GRM7: variants seen among roughly 807,000 people sequenced by gnomAD.
The protein encoded by GRM7 is glutamate metabotropic receptor 7.
A neutral mutation model predicts 84.5 loss-of-function variants in GRM7; 35 were observed. The ratio of observed to expected loss-of-function variants is 0.41; its 90% CI spans 0.32 to 0.55. The LOEUF (loss-of-function observed/expected upper bound fraction) is 0.55. Among genes scored for constraint, GRM7 ranks in the 20% least tolerant of loss-of-function variants. GRM7 has a pLI of 0.19. For synonymous variants in GRM7, 487 were observed against 455.1 expected (o/e 1.07, Z -0.89); for missense variants, 1,003 against 1,194.6 (o/e 0.84, Z 2.36).
chr3:7,660,893 G>T (rs1699414759), intron 8 of GRM7, among the ~76,000 whole-genome samples: 2 of 152,166 alleles, frequency 1.3e-5, no homozygotes, highest in South Asian at 4.1e-4. Flanking sequence ...TTCAACAAAT[G>T]ATTCTAGAGT....
intron 4 of GRM7, among the ~76,000 whole-genome samples, chr3:7,333,334 C>T (rs533929078): frequency 1.9e-4 from 29 of 152,294 alleles, no homozygotes; most frequent in African/African-American, 6.7e-4. Context: ...TTCGCCAGCA[C>T]CAGCCCAGAG....
intron 7 of GRM7, among the ~76,000 whole-genome samples, chr3:7,476,131 T>C (rs2124930189): frequency 6.6e-6 from 1 of 152,342 alleles, no homozygotes; most frequent in South Asian, 2.1e-4. Context: ...ATCCCATGTT[T>C]CACCACCTAT....
chr3:6,929,947 G>A (rs1672476561), intron 1 of GRM7, among the ~76,000 whole-genome samples: 3 of 152,132 alleles, frequency 2.0e-5, no homozygotes, highest in Admixed American at 2.0e-4. Context: ...ATTTTTACAA[G>A]GCAGACCCCA....
intron 7 of GRM7, among the ~76,000 whole-genome samples, chr3:7,568,391 G>A (rs995798662): frequency 7.9e-5 from 12 of 152,240 alleles, no homozygotes; most frequent in African/African-American, 2.9e-4. Flanking sequence ...AAGGTGAAAG[G>A]CAAGGAAGAG....
At chr3:7,619,110 T>C (rs1697246091) in intron 8 of GRM7, among the ~76,000 whole-genome samples, 1 of 152,126 alleles carries the variant, frequency 6.6e-6, no homozygotes, top group South Asian at 2.1e-4. Flanking sequence ...GGAAATTAGA[T>C]GCACTAGACT....
At chr3:7,632,706 C>T (rs1344574951) in intron 8 of GRM7, among the ~76,000 whole-genome samples, 1 of 152,120 alleles carries the variant, frequency 6.6e-6, no homozygotes, top group East Asian at 1.9e-4. Flanking sequence ...TGTTTTCATC[C>T]ATAACAATAG....
At chr3:7,662,147 C>CA (rs1699487925) in intron 8 of GRM7, among the ~76,000 whole-genome samples, 1 of 151,732 alleles carries the variant, frequency 6.6e-6, no homozygotes, top group South Asian at 2.1e-4. Context: ...AGATGCGAGA[C>CA]AAAAAATAGT....
chr3:7,308,262 C>T (rs77335945), intron 4 of GRM7, among the ~76,000 whole-genome samples: 1 of 151,390 alleles, frequency 6.6e-6, no homozygotes, highest in Admixed American at 6.6e-5. Context: ...TTGGGGGTCT[C>T]AGATGTTAAT....
intron 2 of GRM7, among the ~76,000 whole-genome samples, chr3:7,266,280 G>A (rs1167723872): frequency 6.6e-6 from 1 of 152,186 alleles, no homozygotes; most frequent in Non-Finnish European, 1.5e-5. Context: ...ATTCAGTATA[G>A]TAAAGTGTTA....
At chr3:7,209,599 G>A (rs1696352434) in intron 2 of GRM7, among the ~76,000 whole-genome samples, 1 of 152,202 alleles carries the variant, frequency 6.6e-6, no homozygotes, top group Non-Finnish European at 1.5e-5. Flanking sequence ...ACTATGGCAG[G>A]CATAGAGAAT....
At position 7,349,758 on chromosome 3, in the gene GRM7, T is replaced by C. The variant is rs148954107; in HGVS notation, c.1033+43106T>C. ...AAGTTTATATTTGAGCAATTGCATA[T>C]GTAATTGTCAAGGGTATAGATGAAA... is the stretch of plus-strand genomic sequence containing the variant. On this transcript the variant is annotated intron_variant, in intron 4 of 9. Coordinates refer to ENST00000357716, the MANE Select transcript of GRM7 (RefSeq NM_000844.4). Among the ~76,000 whole-genome samples, 163 of 152,272 alleles carry C rather than the reference T, an allele frequency of 1.1e-3. 1 individual carries two copies. Among genetic ancestry groups the C allele is most frequent in the African/African-American group, 3.8e-3 (157 of 41,568 alleles).
intron 7 of GRM7, 135 bp from the exon 8 acceptor site, chr3:7,578,287 C>A: frequency 1.6e-6 from 1 of 627,332 alleles, no homozygotes; most frequent in Non-Finnish European, 2.8e-6. Context: ...ACTTGTAACT[C>A]TTGCAAGCTG....
At chr3:7,186,487 C>A (rs1203163179) in intron 2 of GRM7, among the ~76,000 whole-genome samples, 1 of 152,162 alleles carries the variant, frequency 6.6e-6, no homozygotes, top group African/African-American at 2.4e-5. Flanking sequence ...GTACTGATTA[C>A]CCTGGCTTTA....
chr3:6,974,132 A>G (rs913950765), intron 1 of GRM7, among the ~76,000 whole-genome samples: 2 of 152,220 alleles, frequency 1.3e-5, no homozygotes, highest in East Asian at 3.9e-4. Flanking sequence ...AAAACATGAA[A>G]GTAAAAGAGC....
chr3:7,000,268 TTCAAGCAATTCTCTTTCC>T (rs1694964294), intron 1 of GRM7, among the ~76,000 whole-genome samples: 2 of 151,606 alleles, frequency 1.3e-5, no homozygotes, highest in Non-Finnish European at 2.9e-5. Context: ...GACTCCCAGG[TTCAAGCAATTCTCTTTCC>T]TCAGCCTCCT....
chr3:7,480,796 C>A (rs1034521937), intron 7 of GRM7, among the ~76,000 whole-genome samples: 12 of 152,166 alleles, frequency 7.9e-5, no homozygotes, highest in African/African-American at 2.9e-4. Flanking sequence ...CCAGAGCCTA[C>A]CACCACCGCT....
At chr3:7,238,845 TC>T (rs1697442495) in intron 2 of GRM7, among the ~76,000 whole-genome samples, 3 of 142,168 alleles carry the variant, frequency 2.1e-5, no homozygotes, top group African/African-American at 7.8e-5. Flanking sequence ...TCCCCTCCCC[TC>T]TTCCTTTCAC....
chr3:7,074,739 A>G (rs955327668), intron 1 of GRM7, among the ~76,000 whole-genome samples: 1 of 152,238 alleles, frequency 6.6e-6, no homozygotes, highest in African/African-American at 2.4e-5. Context: ...TTTGAGAAAT[A>G]CCAATGTAGA....
intron 2 of GRM7, among the ~76,000 whole-genome samples, chr3:7,162,171 T>G (rs1017841114): frequency 2.0e-5 from 3 of 152,202 alleles, no homozygotes; most frequent in Admixed American, 2.0e-4. Context: ...GAACAGGTAG[T>G]TAGATGTATA....
Sources: allele counts gnomAD v4.1 joint callset (sites outside exome capture counted in the v4.1 genomes callset), GRCh38; gene constraint gnomAD v4.1.1; transcripts MANE v1.5; gene names NCBI Gene and HGNC (gene_info 2026-07-23, HGNC 2026-07-21).